Variants in TENM2 observed in about 807,000 individuals in gnomAD.
TENM2 encodes teneurin-2.
In TENM2, 52 loss-of-function variants were observed where a neutral mutation model predicts 245.2. The observed-to-expected ratio is 0.21, with a 90% CI of 0.17 to 0.27. TENM2 has a LOEUF of 0.27. TENM2 is among the 10% of genes least tolerant of loss of function. TENM2 has a pLI of 1.00. For missense variants in TENM2, 3,046 were observed against 3,666.8 expected (o/e 0.83, Z 4.37); for synonymous variants, 1,363 against 1,438.9 (o/e 0.95, Z 1.19).
intron 21 of TENM2, among the ~76,000 whole-genome samples, chr5:168,215,857 G>C (rs1763146879): frequency 6.6e-6 from 1 of 152,202 alleles, no homozygotes; most frequent in African/African-American, 2.4e-5. Context: ...ACAAAGCCCA[G>C]CGAGGGGCCT....
chr5:168,167,595 C>T (rs938723421), intron 13 of TENM2, among the ~76,000 whole-genome samples: 3 of 152,158 alleles, frequency 2.0e-5, no homozygotes, highest in Non-Finnish European at 2.9e-5. Flanking sequence ...CCCGTCACCC[C>T]GCATCACTTT....
intron 4 of TENM2, among the ~76,000 whole-genome samples, chr5:167,971,190 T>C (rs1433984613): frequency 6.7e-6 from 1 of 150,074 alleles, no homozygotes; most frequent in Admixed American, 6.6e-5. Flanking sequence ...ATAGAGATGA[T>C]AGAGATAGAG....
At chr5:168,224,415 A>G (rs1048934828) in intron 23 of TENM2, among the ~76,000 whole-genome samples, 3 of 152,156 alleles carry the variant, frequency 2.0e-5, no homozygotes, top group African/African-American at 7.2e-5. Context: ...CAGCTTTCAA[A>G]CTTCTGCAGA....
the TENM2 span, among the ~76,000 whole-genome samples, chr5:166,988,556 A>G: frequency 1.3e-5 from 2 of 152,202 alleles, no homozygotes; most frequent in Non-Finnish European, 2.9e-5. Flanking sequence ...TTGAATTATT[A>G]TTTTTGATTC....
the TENM2 span, among the ~76,000 whole-genome samples, chr5:167,053,897 TAGA>T: frequency 6.6e-6 from 1 of 152,180 alleles, no homozygotes; most frequent in African/African-American, 2.4e-5. Flanking sequence ...CTTGATTTTT[TAGA>T]AGGAGTTTTA....
rs565122604 is a variant in TENM2, at chr5:167,862,259, G to A, written c.503-13727G>A. Among the ~76,000 whole-genome samples the A allele has an allele frequency of 2.9e-3, 444 of 152,208 alleles. 2 individuals carry two copies. The highest frequency in any genetic ancestry group is 0.01 in the South Asian group (50 of 4,816). On this transcript the variant is annotated intron_variant, in intron 2 of 28. Coordinates refer to ENST00000518659, the Ensembl canonical transcript of TENM2. ...TTAGAGTATGTGTGTGTGTGTGTGT[G>A]TGTGTGTGTGCATATGTACATGCAT... is the stretch of plus-strand genomic sequence containing the variant.
intron 3 of TENM2, among the ~76,000 whole-genome samples, chr5:167,911,405 T>C (rs574333777): frequency 6.6e-6 from 1 of 152,278 alleles, no homozygotes; most frequent in East Asian, 1.9e-4. Context: ...CGGGCGCCTG[T>C]AGTCCCAGCT....
intron 2 of TENM2, among the ~76,000 whole-genome samples, chr5:167,558,561 G>C (rs1773395621): frequency 6.6e-6 from 1 of 152,104 alleles, no homozygotes; most frequent in Non-Finnish European, 1.5e-5. Flanking sequence ...ATAGGAGCAT[G>C]AACCCCATTA....
rs544786178 is a variant in TENM2, at chr5:167,382,516, A to G, written c.502+7043A>G. Reference sequence around the variant, plus strand: ...GATAGCCAAGGAACATTCAGGAGTGACTCTCACTCCCCATCCTCATTTCTT... The same window carrying G: ...GATAGCCAAGGAACATTCAGGAGTGGCTCTCACTCCCCATCCTCATTTCTT... On this transcript the variant is annotated intron_variant, in intron 2 of 28. Transcript: ENST00000518659. 1.7e-4 allele frequency among the ~76,000 whole-genome samples: 26 copies of G among 152,224 alleles called. 1 individual carries two copies. The highest frequency in any genetic ancestry group is 5.5e-4 in the African/African-American group (23 of 41,536).
chr5:167,110,841 A>T, the TENM2 span, among the ~76,000 whole-genome samples: 1 of 152,252 alleles, frequency 6.6e-6, no homozygotes, highest in South Asian at 2.1e-4. Flanking sequence ...AAATTTGTGC[A>T]TGGCCATTTC....
intron 3 of TENM2, among the ~76,000 whole-genome samples, chr5:167,928,844 G>A (rs1422651555): frequency 4.8e-5 from 7 of 144,988 alleles, no homozygotes; most frequent in Admixed American, 1.4e-4. Flanking sequence ...TGCAGTGAGC[G>A]GAGTTTGCTG....
intron 12 of TENM2, among the ~76,000 whole-genome samples, chr5:168,149,052 G>A (rs1756399019): frequency 6.6e-6 from 1 of 152,126 alleles, no homozygotes. Context: ...TGCTTGGGTG[G>A]TTCAAAGAGA....
the TENM2 span, among the ~76,000 whole-genome samples, chr5:167,086,396 G>A: frequency 6.6e-6 from 1 of 152,054 alleles, no homozygotes; most frequent in Non-Finnish European, 1.5e-5. Flanking sequence ...GCAGCATTTG[G>A]GAGTCTTGAC....
intron 2 of TENM2, among the ~76,000 whole-genome samples, chr5:167,418,638 T>G (rs187032891): frequency 1.4e-4 from 22 of 152,288 alleles, no homozygotes; most frequent in African/African-American, 5.1e-4. Context: ...TATGGAGATT[T>G]GCATACTTTT....
intron 2 of TENM2, among the ~76,000 whole-genome samples, chr5:167,697,733 C>A (rs1757862906): frequency 6.6e-6 from 1 of 152,164 alleles, no homozygotes; most frequent in Non-Finnish European, 1.5e-5. Context: ...CCATGTTGGG[C>A]AGGCTGGTCT....
intron 2 of TENM2, among the ~76,000 whole-genome samples, chr5:167,409,854 AT>A (rs1184847087): frequency 1.3e-5 from 2 of 151,964 alleles, no homozygotes; most frequent in African/African-American, 4.8e-5. Context: ...AACACTGATG[AT>A]GCTATTTCAC....
At chr5:167,724,559 T>C (rs745509060) in intron 2 of TENM2, among the ~76,000 whole-genome samples, 5 of 152,082 alleles carry the variant, frequency 3.3e-5, no homozygotes, top group Admixed American at 6.6e-5. Flanking sequence ...AGGAAGGAGA[T>C]GACGAATTCA....
At chr5:167,775,811 C>G (rs926969104) in intron 2 of TENM2, among the ~76,000 whole-genome samples, 3 of 152,064 alleles carry the variant, frequency 2.0e-5, no homozygotes, top group African/African-American at 7.2e-5. Flanking sequence ...TTAGACCCAG[C>G]AGGTTTATTT....
At chr5:167,350,260 C>T (rs1235960048) in intron 1 of TENM2, among the ~76,000 whole-genome samples, 1 of 152,032 alleles carries the variant, frequency 6.6e-6, no homozygotes, top group East Asian at 1.9e-4. Context: ...TTATTGGCAT[C>T]AGCCAACTCA....
Sources: allele counts gnomAD v4.1 joint callset (sites outside exome capture counted in the v4.1 genomes callset), GRCh38; gene constraint gnomAD v4.1.1; transcripts MANE v1.5; gene names NCBI Gene and HGNC (gene_info 2026-07-23, HGNC 2026-07-21).